Variants in STAG2 observed in about 807,000 individuals in gnomAD.
STAG2 encodes the protein cohesin subunit SA-2.
STAG2 carries 14 observed loss-of-function variants against 108.1 expected under a neutral mutation model. The ratio of observed to expected loss-of-function variants is 0.13; its 90% CI spans 0.09 to 0.20. STAG2 has a LOEUF of 0.20. STAG2 is among the 10% of genes least tolerant of loss of function. The probability of loss-of-function intolerance (pLI) is 1.00; values close to 1 mark genes in which losing one functional copy is unlikely to be tolerated. For missense variants in STAG2, 440 were observed against 940.9 expected (o/e 0.47, Z 6.96); for synonymous variants, 307 against 302.7 (o/e 1.01, Z -0.15).
At chrX:124,096,737 C>G (rs896229962) in intron 34 of STAG2, among the ~76,000 whole-genome samples, 1 of 112,181 alleles carries the variant, frequency 8.9e-6, no homozygotes, top group Non-Finnish European at 1.9e-5. Context: ...CACCTACTGC[C>G]TCAGGTGACG....
chrX:124,097,756 TCA>T (rs2059420651), intron 34 of STAG2: 1 of 312,828 alleles, frequency 3.2e-6, no homozygotes, highest in Admixed American at 3.2e-5. Flanking sequence ...GTGACTTTGC[TCA>T]GTTATACAGT....
intron 26 of STAG2, 46 bp from the exon 27 acceptor site, chrX:124,077,911 G>A (rs1477644299): frequency 1.1e-6 from 1 of 887,660 alleles, no homozygotes; most frequent in Non-Finnish European, 1.5e-6. Flanking sequence ...TTATTGTCAA[G>A]TAGTTTTAAG....
chrX:124,094,008 A>G lies in STAG2; in HGVS notation c.3579-10A>G, dbSNP rs751988209. 4.1e-6 allele frequency: 5 copies of G among 1,208,300 alleles called. No homozygotes were observed. The highest frequency in any genetic ancestry group is 5.6e-6 in the Non-Finnish European group (5 of 894,397). On this transcript the variant is annotated splice_polypyrimidine_tract_variant and intron_variant, in intron 32 of 34. Coordinates refer to ENST00000371145, the MANE Select transcript of STAG2 (RefSeq NM_001042750.2). ...AGTTCAGATCTTGACTTTGTTTTAT[A>G]TTTCTCTAGTCGGCGTGGCACAAGC...
chrX:124,008,828 G>A (rs2056398914), intron 1 of STAG2, among the ~76,000 whole-genome samples: 1 of 111,761 alleles, frequency 8.9e-6, no homozygotes, highest in Middle Eastern at 4.2e-3. Flanking sequence ...CAATCATGTT[G>A]TTCTCAGTGT....
At chrX:124,009,519 C>T (rs759685606) in intron 1 of STAG2, among the ~76,000 whole-genome samples, 100 of 110,045 alleles carry the variant, frequency 9.1e-4, no homozygotes, top group Non-Finnish European at 1.4e-3. Flanking sequence ...TGCTTCCTCT[C>T]GAGTTTAATG....
intron 1 of STAG2, among the ~76,000 whole-genome samples, chrX:123,994,589 G>A (rs2055635937): frequency 8.9e-6 from 1 of 111,979 alleles, no homozygotes; most frequent in East Asian, 2.8e-4. Flanking sequence ...TGAATGAAGA[G>A]TAAGATATTT....
chrX:124,043,687 C>T (rs2057789616), intron 7 of STAG2, among the ~76,000 whole-genome samples: 1 of 111,315 alleles, frequency 9.0e-6, no homozygotes, highest in African/African-American at 3.3e-5. Flanking sequence ...TTTAGGGAAC[C>T]TGATAGCTAG....
At chrX:123,972,866 C>CAAAAA (rs747333406) in intron 1 of STAG2, among the ~76,000 whole-genome samples, 2,039 of 21,909 alleles carry the variant, frequency 0.093, 221 homozygotes, top group South Asian at 0.14. Flanking sequence ...ACCAAAAATA[C>CAAAAA]AAAAAAAAAA....
chrX:124,026,666 T>C (rs190962582), intron 4 of STAG2: 38 of 198,350 alleles, frequency 1.9e-4, no homozygotes, highest in African/African-American at 1.1e-3. Flanking sequence ...GTGAAATTTT[T>C]CCATAATCCT....
At chrX:123,986,537 A>G (rs1383052120) in intron 1 of STAG2, among the ~76,000 whole-genome samples, 3 of 111,867 alleles carry the variant, frequency 2.7e-5, no homozygotes, top group Non-Finnish European at 5.6e-5. Context: ...AGACAAGTAG[A>G]TTTAAGAGCA....
chrX:124,090,051 C>T (rs1416692945), intron 30 of STAG2, among the ~76,000 whole-genome samples: 1 of 101,410 alleles, frequency 9.9e-6, no homozygotes, highest in Non-Finnish European at 2.0e-5. Context: ...ATCTAAGCTA[C>T]TTGGGAGGCT....
In STAG2 at chrX:124,101,680, G is replaced by A. The variant is rs2059509566; in HGVS notation, c.*1083G>A. The A allele has an allele frequency of 6.1e-6, 1 of 163,075 alleles. No individual in the cohort carries two copies. Among genetic ancestry groups the A allele is most frequent in the African/African-American group, 3.0e-5 (1 of 33,191 alleles). The allele number at this position is 163,075 out of a possible 1,213,427, so 13.4% of individuals were successfully genotyped here. A position where few individuals can be genotyped will look rare whatever the true frequency, so the allele number is the denominator to read the frequency against. ...GTATTTTATATTGTTTTATCTATCTGTCTTTGCAAGCAGTCTTCAGGTTAA... is the reference window on the plus strand; with the variant it reads ...GTATTTTATATTGTTTTATCTATCTATCTTTGCAAGCAGTCTTCAGGTTAA... On this transcript the variant is annotated 3_prime_UTR_variant, in exon 35 of 35. Coordinates refer to ENST00000371145, the MANE Select transcript of STAG2 (RefSeq NM_001042750.2).
chrX:124,011,016 C>T (rs1447809886), intron 1 of STAG2, among the ~76,000 whole-genome samples: 5 of 111,312 alleles, frequency 4.5e-5, no homozygotes, highest in Non-Finnish European at 9.4e-5. Context: ...ATTAAGTCTT[C>T]GAATTCATGA....
At chrX:123,983,339 C>T (rs1431222804) in intron 1 of STAG2, among the ~76,000 whole-genome samples, 1 of 110,464 alleles carries the variant, frequency 9.1e-6, no homozygotes, top group African/African-American at 3.3e-5. Flanking sequence ...TTTCAATTTA[C>T]TACTTAGGAA....
intron 1 of STAG2, among the ~76,000 whole-genome samples, chrX:124,006,774 T>C (rs1263318887): frequency 1.8e-5 from 2 of 111,173 alleles, no homozygotes; most frequent in Admixed American, 1.9e-4. Flanking sequence ...TTCTTACAGA[T>C]GTAGTGATAT....
intron 1 of STAG2, among the ~76,000 whole-genome samples, chrX:123,982,176 T>TAAA (rs768977083): frequency 1.8e-5 from 1 of 55,219 alleles, no homozygotes; most frequent in Non-Finnish European, 3.5e-5. Context: ...CTGTCTCTAC[T>TAAA]AAAAAAAAAA....
intron 5 of STAG2, among the ~76,000 whole-genome samples, chrX:124,033,740 C>T (rs1474099557): frequency 9.0e-6 from 1 of 111,644 alleles, no homozygotes; most frequent in East Asian, 2.8e-4. Flanking sequence ...CCAGCCTGGG[C>T]AACAAGAGTG....
intron 15 of STAG2, among the ~76,000 whole-genome samples, chrX:124,060,596 A>G (rs999980197): frequency 8.9e-6 from 1 of 112,157 alleles, no homozygotes; most frequent in African/African-American, 3.2e-5. Context: ...TTAGGTCCAA[A>G]TAAGCAGTAA....
chrX:124,058,972 A>AT (rs1313045412), intron 15 of STAG2, among the ~76,000 whole-genome samples: 19 of 107,232 alleles, frequency 1.8e-4, no homozygotes, highest in Admixed American at 4.0e-4. Context: ...CCTCTCCAAC[A>AT]TTTTTTTTTT....
Sources: allele counts gnomAD v4.1 joint callset (sites outside exome capture counted in the v4.1 genomes callset), GRCh38; gene constraint gnomAD v4.1.1; transcripts MANE v1.5; gene names NCBI Gene and HGNC (gene_info 2026-07-23, HGNC 2026-07-21).